Variants in NDST4 observed in about 807,000 individuals in gnomAD.
The protein encoded by NDST4 is N-deacetylase and N-sulfotransferase 4.
A neutral mutation model predicts 100.8 loss-of-function variants in NDST4; 63 were observed. That is an observed-to-expected ratio of 0.62 (90% confidence interval 0.51 to 0.77). The LOEUF (loss-of-function observed/expected upper bound fraction) is 0.77. NDST4 is among the 30% of genes least tolerant of loss of function. The pLI is 0.00. For missense variants in NDST4, 943 were observed against 1,018.4 expected (o/e 0.93, Z 1.01); for synonymous variants, 377 against 361.8 (o/e 1.04, Z -0.48).
intron 10 of NDST4, among the ~76,000 whole-genome samples, chr4:114,840,891 G>A (rs911459373): frequency 2.0e-5 from 3 of 152,166 alleles, no homozygotes; most frequent in Non-Finnish European, 4.4e-5. Context: ...AGAATAATTA[G>A]TAAGTGGCAT....
At chr4:114,839,272 C>T (rs1578335997) in intron 11 of NDST4, 106 bp downstream of exon 11, 1 of 1,074,448 alleles carries the variant, frequency 9.3e-7, no homozygotes. Flanking sequence ...CAGTGCAATA[C>T]AATCATGATA....
intron 2 of NDST4, among the ~76,000 whole-genome samples, chr4:114,991,386 A>G (rs954762131): frequency 5.3e-5 from 8 of 152,258 alleles, no homozygotes; most frequent in Admixed American, 3.9e-4. Flanking sequence ...TGGGGTGAAG[A>G]GAACAAATGC....
At chr4:114,859,468 A>C (rs182023609) in intron 7 of NDST4, among the ~76,000 whole-genome samples, 1 of 152,356 alleles carries the variant, frequency 6.6e-6, no homozygotes, top group Admixed American at 6.5e-5. Flanking sequence ...TGGAGTGAAC[A>C]TAACAAATGA....
intron 6 of NDST4, among the ~76,000 whole-genome samples, chr4:114,916,992 T>C (rs1725188061): frequency 6.6e-6 from 1 of 152,128 alleles, no homozygotes; most frequent in Non-Finnish European, 1.5e-5. Context: ...CTGAAAGGTA[T>C]ATATAGTTGT....
intron 1 of NDST4, among the ~76,000 whole-genome samples, chr4:115,077,981 C>T (rs1336731745): frequency 6.6e-6 from 1 of 152,216 alleles, no homozygotes; most frequent in East Asian, 1.9e-4. Context: ...CTAATTTTGC[C>T]TACTCTTGTA....
chr4:115,043,420 G>A (rs777030283), intron 2 of NDST4, among the ~76,000 whole-genome samples: 9 of 152,018 alleles, frequency 5.9e-5, no homozygotes, highest in Non-Finnish European at 7.4e-5. Context: ...ATTGGCAATT[G>A]TGCATTAATA....
intron 3 of NDST4, among the ~76,000 whole-genome samples, chr4:114,971,752 T>C (rs1560837472): frequency 6.6e-6 from 1 of 152,078 alleles, no homozygotes; most frequent in Non-Finnish European, 1.5e-5. Flanking sequence ...GAATGTTCCA[T>C]GTGTGTGTCT....
intron 6 of NDST4, among the ~76,000 whole-genome samples, chr4:114,903,756 G>T (rs1724894233): frequency 6.6e-6 from 1 of 151,814 alleles, no homozygotes; most frequent in Non-Finnish European, 1.5e-5. Context: ...TTACAATAAA[G>T]AAAAATAAAG....
At chr4:115,018,108 C>T (rs1727729367) in intron 2 of NDST4, among the ~76,000 whole-genome samples, 1 of 151,812 alleles carries the variant, frequency 6.6e-6, no homozygotes, top group Non-Finnish European at 1.5e-5. Context: ...GCATGTACCA[C>T]TAAAGGCTAC....
At chr4:114,889,729 TG>T (rs982543222) in intron 6 of NDST4, among the ~76,000 whole-genome samples, 2 of 152,116 alleles carry the variant, frequency 1.3e-5, no homozygotes, top group South Asian at 2.1e-4. Flanking sequence ...CAGCCTTGAC[TG>T]GGGGGAGAAA....
At chr4:114,856,478 T>C (rs1024803091) in intron 7 of NDST4, among the ~76,000 whole-genome samples, 1 of 152,230 alleles carries the variant, frequency 6.6e-6, no homozygotes, top group African/African-American at 2.4e-5. Flanking sequence ...TACTTTTAAA[T>C]ATAACACTTG....
At chr4:114,847,802 G>A (rs1723586995) in intron 9 of NDST4, among the ~76,000 whole-genome samples, 1 of 152,226 alleles carries the variant, frequency 6.6e-6, no homozygotes, top group Middle Eastern at 3.4e-3. Context: ...TACAGTTTAT[G>A]TGGTTAATGA....
intron 4 of NDST4, among the ~76,000 whole-genome samples, chr4:114,958,235 T>C (rs1051767636): frequency 6.6e-5 from 10 of 152,202 alleles, no homozygotes; most frequent in Non-Finnish European, 1.3e-4. Context: ...TGGTGGAGGT[T>C]CCCAAAACTT....
rs149347161 is a variant in NDST4, at chr4:115,052,271, G to A, written c.978+23788C>T. Among the ~76,000 whole-genome samples, 813 of 152,242 alleles carry A rather than the reference G, an allele frequency of 5.3e-3. 9 individuals are homozygous for A. The highest frequency in any genetic ancestry group is 0.018 in the African/African-American group (735 of 41,554). ...GTTCATTGTTCCACAAGCCAGCAATGTCAGTAGACAATTAGATTTAAACAC... is the reference window on the plus strand; with the variant it reads ...GTTCATTGTTCCACAAGCCAGCAATATCAGTAGACAATTAGATTTAAACAC... On this transcript the variant is annotated intron_variant, in intron 2 of 13. Transcript: ENST00000264363.
At chr4:114,859,160 A>G (rs1459480536) in intron 7 of NDST4, among the ~76,000 whole-genome samples, 1 of 152,178 alleles carries the variant, frequency 6.6e-6, no homozygotes, top group East Asian at 1.9e-4. Flanking sequence ...TTATCTAAAC[A>G]CAGCTTTTCT....
intron 11 of NDST4, among the ~76,000 whole-genome samples, chr4:114,837,525 C>T (rs1433382738): frequency 6.6e-6 from 1 of 152,098 alleles, no homozygotes; most frequent in African/African-American, 2.4e-5. Context: ...TAACACCACA[C>T]ATCTACAAAC....
intron 2 of NDST4, among the ~76,000 whole-genome samples, chr4:115,044,464 T>A (rs1045085301): frequency 6.6e-6 from 1 of 151,940 alleles, no homozygotes; most frequent in East Asian, 1.9e-4. Flanking sequence ...AAACAAAAGA[T>A]TCTAAAGGCA....
At chr4:115,054,326 A>C (rs964425669) in intron 2 of NDST4, among the ~76,000 whole-genome samples, 1 of 152,258 alleles carries the variant, frequency 6.6e-6, no homozygotes, top group Admixed American at 6.5e-5. Flanking sequence ...ACTATTAGAC[A>C]GAAACTAGCT....
At chr4:115,038,939 C>T (rs909803619) in intron 2 of NDST4, among the ~76,000 whole-genome samples, 2 of 152,098 alleles carry the variant, frequency 1.3e-5, no homozygotes, top group African/African-American at 4.8e-5. Context: ...GTGATTGCCC[C>T]ATTGTACTCC....
Sources: allele counts gnomAD v4.1 joint callset (sites outside exome capture counted in the v4.1 genomes callset), GRCh38; gene constraint gnomAD v4.1.1; transcripts MANE v1.5; gene names NCBI Gene and HGNC (gene_info 2026-07-23, HGNC 2026-07-21).